The following EIF4E3 variants were observed in gnomAD, a reference collection of about 807,000 sequenced individuals.
EIF4E3 encodes the protein eukaryotic translation initiation factor 4E type 3.
In EIF4E3, 26 loss-of-function variants were observed where a neutral mutation model predicts 31.7. The observed-to-expected ratio is 0.82, with a 90% CI of 0.60 to 1.14. EIF4E3 has a LOEUF of 1.14. Among genes scored for constraint, EIF4E3 ranks in the 50% most tolerant of loss-of-function variants. The probability of loss-of-function intolerance (pLI) is 0.00; values close to 1 mark genes in which losing one functional copy is unlikely to be tolerated. For missense variants in EIF4E3, 304 were observed against 270.9 expected, an observed-to-expected ratio of 1.12 and a Z score of -0.86; for synonymous variants, 128 against 107.7, an observed-to-expected ratio of 1.19 and a Z score of -1.17.
downstream of EIF4E3, among the ~76,000 whole-genome samples, chr3:71,670,825 T>C (rs2048843941): frequency 6.6e-6 from 1 of 152,172 alleles, no homozygotes; most frequent in Non-Finnish European, 1.5e-5. Context: ...CTTCACACTC[T>C]GTGGTGGGAG....
chr3:71,714,273 A>AAAGAAG lies in EIF4E3; in HGVS notation c.177-3790_177-3789insCTTCTT, dbSNP rs1559602527. 6.7e-3 allele frequency among the ~76,000 whole-genome samples: 841 copies of AAAGAAG among 125,288 alleles called. 2 individuals carry two copies. The highest frequency in any genetic ancestry group is 0.015 in the South Asian group (57 of 3,830). 82.2% of individuals were successfully genotyped at this position (125,288 alleles called of 152,430 possible). ...AGGAAGGAAGGAAGGAAGGAAGGAAAGAAGGAAGGAAGGAAGGAAGGAAGG... is the reference window on the plus strand; with the variant it reads ...AGGAAGGAAGGAAGGAAGGAAGGAAAAAGAAGGAAGGAAGGAAGGAAGGAAGGAAGG... On this transcript the variant is annotated intron_variant, in intron 1 of 6. Transcript: ENST00000425534.
chr3:71,732,250 A>G (rs2049714247), intron 1 of EIF4E3, among the ~76,000 whole-genome samples: 1 of 152,192 alleles, frequency 6.6e-6, no homozygotes, highest in Non-Finnish European at 1.5e-5. Flanking sequence ...TAAATTGTCT[A>G]ACCATCCTTC....
chr3:71,704,626 T>C (rs1423633010), intron 2 of EIF4E3, among the ~76,000 whole-genome samples: 1 of 152,198 alleles, frequency 6.6e-6, no homozygotes, highest in Non-Finnish European at 1.5e-5. Context: ...TGTGTGTACA[T>C]AGCAGGGGTC....
At chr3:71,692,443 T>A (rs1042059747) in intron 5 of EIF4E3, among the ~76,000 whole-genome samples, 1 of 152,232 alleles carries the variant, frequency 6.6e-6, no homozygotes, top group Non-Finnish European at 1.5e-5. Context: ...GAAACAGGAA[T>A]AATTCATGCA....
intron 1 of EIF4E3, among the ~76,000 whole-genome samples, chr3:71,724,381 A>G (rs536927973): frequency 6.6e-6 from 1 of 152,320 alleles, no homozygotes; most frequent in Non-Finnish European, 1.5e-5. Flanking sequence ...GAAAGTAAAC[A>G]AATTCATATA....
chr3:71,746,725 C>T (rs2049877027), intron 1 of EIF4E3, among the ~76,000 whole-genome samples: 3 of 152,116 alleles, frequency 2.0e-5, no homozygotes, highest in Admixed American at 1.3e-4. Flanking sequence ...ATCACTATTA[C>T]CTAATTTTAG....
intron 1 of EIF4E3, among the ~76,000 whole-genome samples, chr3:71,753,186 T>G (rs565520507): frequency 2.7e-4 from 41 of 152,274 alleles, no homozygotes; most frequent in Non-Finnish European, 4.4e-4. Flanking sequence ...AAAGTGGGAT[T>G]AAGGATGGCA....
the EIF4E3 span, among the ~76,000 whole-genome samples, chr3:71,666,230 T>C: frequency 8.7e-5 from 13 of 149,058 alleles, no homozygotes; most frequent in African/African-American, 3.3e-4. Flanking sequence ...GAGAGAAGAA[T>C]CAAATAGACA....
In EIF4E3 at chr3:71,684,746, A is replaced by G. The variant is rs758241545; in HGVS notation, c.629-18T>C. The stretch of plus-strand genomic sequence containing the variant: ...TTCATGGGCTAAAGGACAGAAAAAA[A>G]ACAAAAAAGAAAAAAAGGAAAGAAA... On this transcript the variant is annotated intron_variant, in intron 6 of 6. Coordinates refer to ENST00000425534, the MANE Select transcript of EIF4E3 (RefSeq NM_001134651.2). The G allele has an allele frequency of 6.2e-7, 1 of 1,612,810 alleles. No individual in the cohort carries two copies. The highest frequency in any genetic ancestry group is 2.2e-5 in the East Asian group (1 of 44,858).
rs1389613449 is a variant in EIF4E3, at chr3:71,725,313, ACCCCGGCGGCTCCCGGG to A, written c.38_54del (p.Ala13ValfsTer25). The A allele has an allele frequency of 2.1e-6, 2 of 974,270 alleles. No homozygotes were observed. Among genetic ancestry groups the A allele is most frequent in the Non-Finnish European group, 2.4e-6 (2 of 821,754 alleles). The allele number at this position is 974,270 out of a possible 1,614,324, so 60.4% of individuals were successfully genotyped here. ...GCGGCGGCAGCGGCGGCGGCGCGGG[ACCCCGGCGGCTCCCGGG>A]CCCCGGCGGGGGGCGCGGCGGCCGG... On this transcript the variant is annotated frameshift_variant, in exon 1 of 7. Transcript: ENST00000425534. LOFTEE classifies it high-confidence loss of function. The surrounding 1 kb of genome is among the most constrained non-coding windows in gnomAD (Gnocchi z 6.1).
At chr3:71,731,492 C>T (rs1283615609) in intron 1 of EIF4E3, among the ~76,000 whole-genome samples, 4 of 152,148 alleles carry the variant, frequency 2.6e-5, no homozygotes, top group Non-Finnish European at 5.9e-5. Flanking sequence ...CATCAACTGC[C>T]GATCTTCCGA....
chr3:71,734,946 T>C (rs561975715), intron 1 of EIF4E3, among the ~76,000 whole-genome samples: 1 of 152,286 alleles, frequency 6.6e-6, no homozygotes, highest in East Asian at 1.9e-4. Context: ...CTCAACATCA[T>C]CCCATGTTAA....
the EIF4E3 span, among the ~76,000 whole-genome samples, chr3:71,666,099 C>T: frequency 6.6e-6 from 1 of 151,968 alleles, no homozygotes; most frequent in African/African-American, 2.4e-5. Flanking sequence ...TAATATCAGA[C>T]CTGAACTGAA....
intron 2 of EIF4E3, among the ~76,000 whole-genome samples, chr3:71,706,987 A>G (rs1417618906): frequency 6.6e-6 from 1 of 152,244 alleles, no homozygotes; most frequent in Non-Finnish European, 1.5e-5. Context: ...CTCAAAAGTT[A>G]TTGATAAGTT....
intron 6 of EIF4E3, among the ~76,000 whole-genome samples, chr3:71,687,225 C>T (rs937042400): frequency 2.0e-5 from 3 of 152,184 alleles, no homozygotes; most frequent in Non-Finnish European, 4.4e-5. Flanking sequence ...TGGTCTTTAA[C>T]TCCTGACCTC....
the EIF4E3 span, among the ~76,000 whole-genome samples, chr3:71,666,551 T>C: frequency 6.6e-6 from 1 of 151,962 alleles, no homozygotes; most frequent in African/African-American, 2.4e-5. Context: ...CTGAATCTAT[T>C]CCAAACAATA....
At chr3:71,693,759 A>G (rs2049095089) in intron 5 of EIF4E3, 116 bp downstream of exon 5, 6 of 1,033,190 alleles carry the variant, frequency 5.8e-6, no homozygotes, top group Non-Finnish European at 7.9e-6. Flanking sequence ...TAGTTCCAAA[A>G]TAAACAACTT....
chr3:71,719,572 A>G (rs2049515270), intron 1 of EIF4E3, among the ~76,000 whole-genome samples: 1 of 152,012 alleles, frequency 6.6e-6, no homozygotes, highest in South Asian at 2.1e-4. Flanking sequence ...CTCAGCACCT[A>G]CTGTGTACCA....
intron 5 of EIF4E3, among the ~76,000 whole-genome samples, chr3:71,691,160 A>G (rs542153545): frequency 2.0e-5 from 3 of 152,212 alleles, no homozygotes; most frequent in Non-Finnish European, 4.4e-5. Flanking sequence ...AACAGTATCA[A>G]TATGTAATAC....
Sources: allele counts gnomAD v4.1 joint callset (sites outside exome capture counted in the v4.1 genomes callset), GRCh38; gene constraint gnomAD v4.1.1; non-coding constraint Gnocchi (gnomAD v3.1); transcripts MANE v1.5; gene names NCBI Gene and HGNC (gene_info 2026-07-23, HGNC 2026-07-21).